BAZ2B: variants seen among roughly 807,000 people sequenced by gnomAD.
BAZ2B encodes bromodomain adjacent to zinc finger domain 2B.
A neutral mutation model predicts 246.0 loss-of-function variants in BAZ2B; 91 were observed. The observed-to-expected ratio is 0.37, with a 90% CI of 0.31 to 0.44. The LOEUF (loss-of-function observed/expected upper bound fraction) is 0.44, where lower values mean the gene tolerates loss of function less well. Ranked by LOEUF, BAZ2B falls within the 20% of genes least tolerant of loss-of-function variation. BAZ2B has a pLI of 1.00. For missense variants in BAZ2B, 2,332 were observed against 2,533.7 expected (o/e 0.92, Z 1.71); for synonymous variants, 855 against 860.0 (o/e 0.99, Z 0.10).
intron 6 of BAZ2B, among the ~76,000 whole-genome samples, chr2:159,439,947 T>C (rs1267094470): frequency 6.6e-6 from 1 of 152,118 alleles, no homozygotes; most frequent in Non-Finnish European, 1.5e-5. Flanking sequence ...AATCCAAAGC[T>C]GGTAGAAAGT....
the BAZ2B span, among the ~76,000 whole-genome samples, chr2:159,662,359 T>C: frequency 6.6e-6 from 1 of 152,220 alleles, no homozygotes; most frequent in Non-Finnish European, 1.5e-5. Flanking sequence ...TACCTAAATG[T>C]AGAATTGTTT....
chr2:159,437,870 T>C (rs1333972307), intron 8 of BAZ2B: 1 of 159,076 alleles, frequency 6.3e-6, no homozygotes, highest in Non-Finnish European at 1.4e-5. Flanking sequence ...TGAGCTGAGA[T>C]TGAGCCACCG....
At chr2:159,643,333 C>T in the BAZ2B span, among the ~76,000 whole-genome samples, 1 of 152,152 alleles carries the variant, frequency 6.6e-6, no homozygotes, top group African/African-American at 2.4e-5. Flanking sequence ...CATCTTGCTC[C>T]TTCCTAACAT....
intron 2 of BAZ2B, among the ~76,000 whole-genome samples, chr2:159,479,446 T>G (rs1461083850): frequency 1.3e-5 from 2 of 152,176 alleles, no homozygotes; most frequent in African/African-American, 4.8e-5. Context: ...ACTCTATGCA[T>G]GCACTGATCC....
chr2:159,347,364 T>C, intron 31 of BAZ2B, 122 bp downstream of exon 31: 3 of 1,175,596 alleles, frequency 2.6e-6, no homozygotes, highest in South Asian at 1.4e-5. Flanking sequence ...AGGATTGTTT[T>C]CAGAATTAAA....
chr2:159,482,280 T>C (rs2079331077), intron 2 of BAZ2B, among the ~76,000 whole-genome samples: 2 of 152,226 alleles, frequency 1.3e-5, no homozygotes, highest in East Asian at 1.9e-4. Flanking sequence ...CTAATAAACA[T>C]TATCTGGGTT....
Position 159,320,383 on chromosome 2 carries a change from C to A in BAZ2B, c.6389G>T (p.Arg2130Met). The stretch of plus-strand genomic sequence containing the variant: ...TGTTTCACAGTTGTCAAAAACAAGC[C>A]TGACATCTAGAGCAAAGGTTTCAAG... ...PNLETFALDVRLVFDNCETFN... is the reference protein window; with the variant it reads ...PNLETFALDVMLVFDNCETFN... Residue 2130 changes from arginine (R) to methionine (M), a missense_variant, in exon 37 of 37, where the codon AGG becomes ATG. Arg to Met is a moderately conservative substitution (Grantham distance 91, BLOSUM62 -1). This residue lies in a region of BAZ2B where 210 missense variants were observed against 232.5 expected (regional missense o/e 0.90). Transcript: ENST00000392783. The A allele has an allele frequency of 6.3e-7, 1 of 1,579,014 alleles. No homozygotes were observed.
At chr2:159,340,920 C>A (rs565335834) in intron 31 of BAZ2B, among the ~76,000 whole-genome samples, 4 of 152,030 alleles carry the variant, frequency 2.6e-5, no homozygotes, top group Non-Finnish European at 5.9e-5. Context: ...TGGAAAAACA[C>A]CCAGCCACAA....
chr2:159,435,990 A>T (rs2072213033), intron 8 of BAZ2B, among the ~76,000 whole-genome samples: 1 of 152,262 alleles, frequency 6.6e-6, no homozygotes, highest in Admixed American at 6.5e-5. Flanking sequence ...ATTATTCAGT[A>T]AATTCTAGAA....
chr2:159,486,561 G>A (rs113154115), intron 2 of BAZ2B, among the ~76,000 whole-genome samples: 232 of 150,654 alleles, frequency 1.5e-3, no homozygotes, highest in African/African-American at 4.6e-3. Context: ...TGTGAATACC[G>A]TGAAAAAAAT....
At chr2:159,615,428 C>G (rs905006807) in intron 1 of BAZ2B, 5 of 152,288 alleles carry the variant, frequency 3.3e-5, no homozygotes, top group African/African-American at 1.2e-4. Flanking sequence ...CTCAAACCTT[C>G]TGCGTGCTGA....
At chr2:159,318,135 A>G (rs1307580230), downstream of BAZ2B, among the ~76,000 whole-genome samples, 2 of 152,224 alleles carry the variant, frequency 1.3e-5, no homozygotes, top group Non-Finnish European at 2.9e-5. Flanking sequence ...TCTAATATAA[A>G]TTAACATAAG....
At chr2:159,325,141 ATATATATG>A in intron 35 of BAZ2B, among the ~76,000 whole-genome samples, 187 bp from the exon 36 acceptor site, 1 of 71,270 alleles carries the variant, frequency 1.4e-5, no homozygotes, top group Non-Finnish European at 2.5e-5. Context: ...ATATATATAT[ATATATATG>A]AGATAGGGTC....
intron 31 of BAZ2B, among the ~76,000 whole-genome samples, chr2:159,343,106 T>C (rs2067041478): frequency 6.6e-6 from 1 of 152,058 alleles, no homozygotes; most frequent in Admixed American, 6.6e-5. Flanking sequence ...ACCCAGAAAT[T>C]AATCCACACC....
chr2:159,320,432 A>T lies in BAZ2B; in HGVS notation c.6354-14T>A, dbSNP rs174229. 6.5e-7 allele frequency: 1 copy of T among 1,542,986 alleles called. No homozygotes were observed. The highest frequency in any genetic ancestry group is 8.7e-7 in the Non-Finnish European group (1 of 1,153,400). ...AGGTTTGGATACCTGAAAGAAAACA[A>T]ATAATTAGAGATTGCGTTCATAGAG... is the stretch of plus-strand genomic sequence containing the variant. On this transcript the variant is annotated splice_polypyrimidine_tract_variant and intron_variant, in intron 36 of 36. Coordinates refer to ENST00000392783, the MANE Select transcript of BAZ2B (RefSeq NM_013450.4).
At chr2:159,336,537 G>A (rs77337548) in intron 33 of BAZ2B, among the ~76,000 whole-genome samples, 6 of 152,238 alleles carry the variant, frequency 3.9e-5, no homozygotes, top group Non-Finnish European at 5.9e-5. Flanking sequence ...TTATCTAAGT[G>A]CTTCTTAGAA....
chr2:159,448,615 A>C (rs1487102206), intron 4 of BAZ2B, among the ~76,000 whole-genome samples: 4 of 152,216 alleles, frequency 2.6e-5, no homozygotes, highest in African/African-American at 9.6e-5. Context: ...GTATCTAAGG[A>C]TCTTCACTTG....
chr2:159,447,753 T>C (rs2074455979), intron 5 of BAZ2B, among the ~76,000 whole-genome samples: 1 of 152,190 alleles, frequency 6.6e-6, no homozygotes, highest in African/African-American at 2.4e-5. Flanking sequence ...AAAATACTTC[T>C]AATCTCAAAG....
chr2:159,565,793 G>A (rs1196791310), intron 1 of BAZ2B, among the ~76,000 whole-genome samples: 44 of 122,412 alleles, frequency 3.6e-4, no homozygotes, highest in African/African-American at 3.9e-4. Context: ...AAAAAAAAAA[G>A]GAAAAAAAAA....
Sources: allele counts gnomAD v4.1 joint callset (sites outside exome capture counted in the v4.1 genomes callset), GRCh38; gene constraint gnomAD v4.1.1; regional missense constraint gnomAD v4.1.1; transcripts MANE v1.5; gene names NCBI Gene and HGNC (gene_info 2026-07-23, HGNC 2026-07-21).